The following RBMS1 variants were observed in gnomAD, a reference collection of about 807,000 sequenced individuals.
RBMS1 encodes the protein RNA binding motif single stranded interacting protein 1.
In RBMS1, 17 loss-of-function variants were observed where a neutral mutation model predicts 62.3. The observed-to-expected ratio is 0.27, with a 90% confidence interval of 0.19 to 0.41. RBMS1 has a LOEUF of 0.41. RBMS1 is among the 10% of genes least tolerant of loss of function. The pLI is 1.00. For synonymous variants in RBMS1, 172 were observed against 170.0 expected (o/e 1.01, Z -0.09); for missense variants, 334 against 504.5 (o/e 0.66, Z 3.24).
chr2:160,408,075 C>G (rs1390740860), intron 1 of RBMS1, among the ~76,000 whole-genome samples: 1 of 150,636 alleles, frequency 6.6e-6, no homozygotes, highest in South Asian at 2.1e-4. Context: ...GCCGGGCGGC[C>G]CGGGGAGCAG....
intron 1 of RBMS1, among the ~76,000 whole-genome samples, chr2:160,443,222 A>C (rs79630401): frequency 0.037 from 5,113 of 138,276 alleles, 294 homozygotes; most frequent in African/African-American, 0.12. Context: ...AAAAAAAAAA[A>C]CAAAAAAAAA....
At chr2:160,347,363 A>C (rs1360739196) in intron 2 of RBMS1, among the ~76,000 whole-genome samples, 4 of 152,162 alleles carry the variant, frequency 2.6e-5, no homozygotes, top group Non-Finnish European at 5.9e-5. Flanking sequence ...TTCTCAAACA[A>C]ATTTTAAGGT....
intron 1 of RBMS1, among the ~76,000 whole-genome samples, chr2:160,437,291 T>C (rs1020046976): frequency 2.6e-4 from 40 of 152,174 alleles, no homozygotes; most frequent in African/African-American, 9.7e-4. Context: ...AAGGAACTCT[T>C]GAGAAGGGAG....
intron 11 of RBMS1, chr2:160,278,199 A>G: frequency 3.9e-6 from 1 of 259,626 alleles, no homozygotes; most frequent in Non-Finnish European, 7.5e-6. Context: ...AGCGAGAAAT[A>G]ATTCCCTGCT....
chr2:160,420,931 G>A (rs1296834471), intron 1 of RBMS1, among the ~76,000 whole-genome samples: 1 of 152,084 alleles, frequency 6.6e-6, no homozygotes, highest in Non-Finnish European at 1.5e-5. Flanking sequence ...TCTTGGGTGA[G>A]CATTTATTTA....
chr2:160,367,536 C>G (rs1693476667), intron 1 of RBMS1, 145 bp from the exon 2 acceptor site: 1 of 1,368,006 alleles, frequency 7.3e-7, no homozygotes, highest in South Asian at 1.8e-5. Context: ...AAGGTCTGTT[C>G]ATGCTACTTT....
intron 2 of RBMS1, among the ~76,000 whole-genome samples, chr2:160,319,208 T>A (rs1315497520): frequency 6.6e-6 from 1 of 152,140 alleles, no homozygotes; most frequent in African/African-American, 2.4e-5. Flanking sequence ...CTTTTAAAAT[T>A]GTTTCTTAAA....
chr2:160,493,214 C>G (rs1335181399), intron 1 of RBMS1, 75 bp downstream of exon 1: 5 of 1,417,602 alleles, frequency 3.5e-6, no homozygotes, highest in African/African-American at 1.4e-5. Flanking sequence ...CGCGCGCCCC[C>G]CTCCCCAGGC....
chr2:160,344,071 C>T (rs751645261), intron 2 of RBMS1, among the ~76,000 whole-genome samples: 6 of 152,106 alleles, frequency 3.9e-5, no homozygotes, highest in Non-Finnish European at 7.4e-5. Flanking sequence ...GGAATCTGAA[C>T]AACTTGTCAT....
intron 1 of RBMS1, among the ~76,000 whole-genome samples, chr2:160,447,027 A>G (rs942512387): frequency 6.6e-6 from 1 of 152,264 alleles, no homozygotes; most frequent in African/African-American, 2.4e-5. Flanking sequence ...CTGAGAATGC[A>G]AAGTAGAATG....
chr2:160,465,442 A>T (rs1684647740), intron 1 of RBMS1, among the ~76,000 whole-genome samples: 1 of 152,200 alleles, frequency 6.6e-6, no homozygotes, highest in Admixed American at 6.5e-5. Context: ...TTTTTGTTTG[A>T]TAAAAGAAGC....
intron 2 of RBMS1, among the ~76,000 whole-genome samples, chr2:160,335,034 T>C (rs1479326807): frequency 6.6e-6 from 1 of 152,120 alleles, no homozygotes; most frequent in Non-Finnish European, 1.5e-5. Context: ...TTAAAATCTG[T>C]TCCAATCAAC....
chr2:160,474,428 C>T (rs1365790885), intron 1 of RBMS1, among the ~76,000 whole-genome samples: 2 of 152,168 alleles, frequency 1.3e-5, no homozygotes, highest in East Asian at 1.9e-4. Context: ...ATTTTCTTTA[C>T]TGATATGACT....
chr2:160,395,396 G>A (rs187970938), intron 1 of RBMS1, among the ~76,000 whole-genome samples: 11 of 152,224 alleles, frequency 7.2e-5, no homozygotes, highest in South Asian at 6.2e-4. Context: ...AGGCCGAGGC[G>A]GGCAGATCAC....
At chr2:160,382,913 T>C (rs1021580105) in intron 1 of RBMS1, among the ~76,000 whole-genome samples, 4 of 152,296 alleles carry the variant, frequency 2.6e-5, no homozygotes, top group East Asian at 3.9e-4. Context: ...AGTTCACATG[T>C]AGAGCCATCC....
At chr2:160,493,054 C>G in intron 1 of RBMS1, 1 of 501,288 alleles carries the variant, frequency 2.0e-6, no homozygotes, top group East Asian at 3.5e-5. Flanking sequence ...TCTTTCCTGT[C>G]TAGTCTCTCC....
chr2:160,398,344 A>T (rs1695252259), intron 1 of RBMS1, among the ~76,000 whole-genome samples: 2 of 152,240 alleles, frequency 1.3e-5, no homozygotes, highest in Admixed American at 6.5e-5. Context: ...GACGTATATT[A>T]CCAAGAATGA....
chr2:160,432,395 T>C (rs1322145596), intron 1 of RBMS1: 1 of 152,190 alleles, frequency 6.6e-6, no homozygotes, highest in East Asian at 1.9e-4. Context: ...GAAACAGCAA[T>C]GTTCACAGTG....
At chr2:160,280,007 T>G (rs1428670350) in intron 10 of RBMS1, among the ~76,000 whole-genome samples, 1 of 152,262 alleles carries the variant, frequency 6.6e-6, no homozygotes, top group Non-Finnish European at 1.5e-5. Flanking sequence ...TAGAAATTTT[T>G]TTTTTAACAT....
Sources: allele counts gnomAD v4.1 joint callset (sites outside exome capture counted in the v4.1 genomes callset), GRCh38; gene constraint gnomAD v4.1.1; transcripts MANE v1.5; gene names NCBI Gene and HGNC (gene_info 2026-07-23, HGNC 2026-07-21).